The following DYNC2H1 variants were observed in gnomAD, a reference collection of about 807,000 sequenced individuals.
DYNC2H1 encodes cytoplasmic dynein 2 heavy chain 1.
DYNC2H1 carries 410 observed loss-of-function variants against 570.0 expected under a neutral mutation model. That is an observed-to-expected ratio of 0.72 (90% confidence interval 0.66 to 0.78). DYNC2H1 has a LOEUF of 0.78. Ranked by LOEUF, DYNC2H1 falls within the 30% of genes least tolerant of loss-of-function variation. The probability of loss-of-function intolerance (pLI) is 0.00; values close to 1 mark genes in which losing one functional copy is unlikely to be tolerated. For synonymous variants in DYNC2H1, 1,688 were observed against 1,677.6 expected, an observed-to-expected ratio of 1.01 and a Z score of -0.15; for missense variants, 4,865 against 5,046.4, an observed-to-expected ratio of 0.96 and a Z score of 1.09.
chr11:103,188,168 CAA>C (rs913655930), intron 43 of DYNC2H1, among the ~76,000 whole-genome samples: 2 of 151,852 alleles, frequency 1.3e-5, no homozygotes, highest in Non-Finnish European at 2.9e-5. Context: ...CAGAAAAAAA[CAA>C]AAATATTTTT....
chr11:103,173,333 A>G (rs375810954), intron 35 of DYNC2H1, 28 bp downstream of exon 35: 203 of 1,415,656 alleles, frequency 1.4e-4, no homozygotes, highest in Non-Finnish European at 1.9e-4. Flanking sequence ...AAATATTTTT[A>G]TATTTTACAT....
At chr11:103,431,215 TAA>T (rs10645288) in intron 84 of DYNC2H1, among the ~76,000 whole-genome samples, 9 of 138,456 alleles carry the variant, frequency 6.5e-5, no homozygotes, top group African/African-American at 5.3e-5. Flanking sequence ...TCATTTAGTT[TAA>T]AAAAAAAAAA....
intron 25 of DYNC2H1, 86 bp downstream of exon 25, chr11:103,155,587 A>C (rs1451418357): frequency 7.4e-7 from 1 of 1,350,696 alleles, no homozygotes; most frequent in Non-Finnish European, 9.8e-7. Context: ...ATACAAAAAA[A>C]GTCTTCCTTT....
rs1430965633 is a variant in DYNC2H1 at position 103,275,461 on chromosome 11, G to T, written c.10696-4887G>T. 6.6e-6 allele frequency among the ~76,000 whole-genome samples: 1 copy of T among 152,178 alleles called. No individual in the cohort carries two copies. Among genetic ancestry groups the T allele is most frequent in the African/African-American group, 2.4e-5 (1 of 41,446 alleles). ...GTTCACCATTCTAGTATCTTACAGA[G>T]TAGTTTCACTGCTCTTAAAATATTC... On this transcript the variant is annotated intron_variant, in intron 70 of 88. Transcript: ENST00000375735. The surrounding 1 kb of genome is among the most constrained non-coding windows in gnomAD (Gnocchi z 4.8).
rs561017293 is a variant in DYNC2H1 at position 103,410,519 on chromosome 11, G to T, written c.12366+10647G>T. 5.9e-5 allele frequency among the ~76,000 whole-genome samples: 9 copies of T among 152,102 alleles called. No individual in the cohort carries two copies. In the East Asian group the frequency reaches 1.5e-3, roughly 26 times the overall value. On this transcript the variant is annotated intron_variant, in intron 84 of 88. Transcript: ENST00000375735. ...GATTATAGAACAGGCTCCCCTAGAGGGATATAAAGCACCGCCAAGTCCTTT... is the reference window on the plus strand; with the variant it reads ...GATTATAGAACAGGCTCCCCTAGAGTGATATAAAGCACCGCCAAGTCCTTT...
chr11:103,410,643 T>C (rs1348969699), intron 84 of DYNC2H1, among the ~76,000 whole-genome samples: 8 of 152,174 alleles, frequency 5.3e-5, no homozygotes. Context: ...AACCCCAGTT[T>C]GGATCTTAGC....
intron 17 of DYNC2H1, among the ~76,000 whole-genome samples, chr11:103,137,183 TC>T (rs1010357726): frequency 3.9e-4 from 58 of 148,990 alleles, no homozygotes; most frequent in African/African-American, 1.4e-3. Flanking sequence ...GGTTGCCTGT[TC>T]ACTCTGATGG....
rs748962176 is a variant in DYNC2H1 at position 103,358,223 on chromosome 11, CTTA to C, written c.12040-14_12040-12del. On this transcript the variant is annotated splice_polypyrimidine_tract_variant and intron_variant, in intron 82 of 88. Coordinates refer to ENST00000375735, the MANE Select transcript of DYNC2H1 (RefSeq NM_001377.3). Reference sequence around the variant, plus strand: ...CTGAAGTTCTTTTTATTTGTTGATACTTATTATTTTTTTATTCAGGTTATTTCA... The same window carrying C: ...CTGAAGTTCTTTTTATTTGTTGATACTTATTTTTTTATTCAGGTTATTTCA... 2.7e-5 allele frequency: 38 copies of C among 1,398,806 alleles called. 1 individual carries two copies. Among genetic ancestry groups the C allele is most frequent in the African/African-American group, 1.6e-4 (11 of 69,834 alleles). 86.6% of individuals were successfully genotyped at this position (1,398,806 alleles called of 1,614,324 possible).
At position 103,165,692 on chromosome 11, in the gene DYNC2H1, G is replaced by A. The variant is rs375558227; in HGVS notation, c.4612-206G>A. Among the ~76,000 whole-genome samples, 95 of 152,168 alleles carry A rather than the reference G, an allele frequency of 6.2e-4. 1 individual carries two copies. In the South Asian group the frequency reaches 0.019, roughly 31 times the overall value. ...TGTAGTAGAGTATAGTATGAAATGA[G>A]TTCTGTGAAGTAGGCTTGGCTGCAT... On this transcript the variant is annotated intron_variant, in intron 30 of 88. Coordinates refer to ENST00000375735, the MANE Select transcript of DYNC2H1 (RefSeq NM_001377.3).
In DYNC2H1 at chr11:103,163,009, T is replaced by C. The variant is rs373666895; in HGVS notation, c.4492-19T>C. The C allele has an allele frequency of 1.2e-4, 192 of 1,600,468 alleles. No individual in the cohort carries two copies. Among genetic ancestry groups the C allele is most frequent in the Admixed American group, 3.9e-4 (23 of 59,044 alleles). Reference sequence around the variant, plus strand: ...TTATTTTATGTCTTGTTTATATTATTTTCCAATTTCTTTTTCAGACATGGT... The same window carrying C: ...TTATTTTATGTCTTGTTTATATTATCTTCCAATTTCTTTTTCAGACATGGT... On this transcript the variant is annotated intron_variant, in intron 29 of 88. Coordinates refer to ENST00000375735, the MANE Select transcript of DYNC2H1 (RefSeq NM_001377.3). This position sits in a 1 kb window ranked among gnomAD's most constrained non-coding sequence, Gnocchi z 4.6.
At chr11:103,290,704 C>T (rs1387653336) in intron 75 of DYNC2H1, among the ~76,000 whole-genome samples, 1 of 152,060 alleles carries the variant, frequency 6.6e-6, no homozygotes, top group Admixed American at 6.6e-5. Context: ...CTCTGTTTCT[C>T]CCTTTTTCTT....
chr11:103,239,250 GTA>G lies in DYNC2H1; in HGVS notation c.9819+2715_9819+2716del, dbSNP rs1864336084. 2.0e-5 allele frequency among the ~76,000 whole-genome samples: 3 copies of G among 151,928 alleles called. No homozygotes were observed. The highest frequency in any genetic ancestry group is 1.3e-4 in the Admixed American group (2 of 15,232). ...GATTTTTTTTTCTTGCTGCCTTTTG[GTA>G]TATGCTGAGGAAATGCAAACTAATG... On this transcript the variant is annotated intron_variant, in intron 63 of 88. Transcript: ENST00000375735. This position sits in a 1 kb window ranked among gnomAD's most constrained non-coding sequence, Gnocchi z 4.3.
rs1862047952 is a variant in DYNC2H1, at chr11:103,185,951, TTTAATG to T, written c.6634-285_6634-280del. 6.6e-6 allele frequency among the ~76,000 whole-genome samples: 1 copy of T among 151,934 alleles called. No homozygotes were observed. Among genetic ancestry groups the T allele is most frequent in the South Asian group, 2.1e-4 (1 of 4,828 alleles). ...GATTTCTGCATTCTGTACTTTGTGATTTAATGTTAATAAGAACTCCATTAAAATGGA... is the reference window on the plus strand; with the variant it reads ...GATTTCTGCATTCTGTACTTTGTGATTTAATAAGAACTCCATTAAAATGGA... On this transcript the variant is annotated intron_variant, in intron 41 of 88. Transcript: ENST00000375735. This position sits in a 1 kb window ranked among gnomAD's most constrained non-coding sequence, Gnocchi z 4.5.
chr11:103,242,258 A>G (rs1864451047), intron 63 of DYNC2H1, among the ~76,000 whole-genome samples: 1 of 152,222 alleles, frequency 6.6e-6, no homozygotes, highest in Non-Finnish European at 1.5e-5. Flanking sequence ...AATAAAGTTC[A>G]ATGTATAAGT....
Position 103,380,135 on chromosome 11 carries a change from C to T in DYNC2H1, c.12157-19528C>T, listed in dbSNP as rs142136315. Among the ~76,000 whole-genome samples the T allele has an allele frequency of 8.5e-3, 1,298 of 152,192 alleles. 11 individuals are homozygous for T. Among genetic ancestry groups the T allele is most frequent in the African/African-American group, 0.03 (1,231 of 41,516 alleles). On this transcript the variant is annotated intron_variant, in intron 83 of 88. Coordinates refer to ENST00000375735, the MANE Select transcript of DYNC2H1 (RefSeq NM_001377.3). ...ATTTTTGTTGAAAAGTAAAGAGCAG[C>T]GAGTCATCCAGGTTCTCATCTTTTC...
intron 73 of DYNC2H1, among the ~76,000 whole-genome samples, chr11:103,284,066 A>G (rs544596338): frequency 2.6e-5 from 4 of 152,216 alleles, no homozygotes; most frequent in South Asian, 4.2e-4. Context: ...TTAATCTTCC[A>G]TATCTGATTA....
At chr11:103,125,527 G>A (rs555105455) in intron 12 of DYNC2H1, among the ~76,000 whole-genome samples, 1 of 152,044 alleles carries the variant, frequency 6.6e-6, no homozygotes, top group Non-Finnish European at 1.5e-5. Context: ...TTAGAAAATA[G>A]TATGTTATTC....
At chr11:103,215,292 T>C (rs1028965019) in intron 54 of DYNC2H1, among the ~76,000 whole-genome samples, 1 of 152,088 alleles carries the variant, frequency 6.6e-6, no homozygotes, top group Admixed American at 6.6e-5. Context: ...GGTTTGTCAT[T>C]TTTGGACTTT....
chr11:103,325,029 C>G lies in DYNC2H1; in HGVS notation c.12039+1039C>G, dbSNP rs1938398785. Among the ~76,000 whole-genome samples, 1 of 152,158 alleles carries G rather than the reference C, an allele frequency of 6.6e-6. No individual in the cohort carries two copies. The highest frequency in any genetic ancestry group is 1.5e-5 in the Non-Finnish European group (1 of 68,024). ...TGTCTTCTTTTGAGAAGCATCTCTT[C>G]ATGTTTTTTGCCCACTTTTTAATGG... is the stretch of plus-strand genomic sequence containing the variant. On this transcript the variant is annotated intron_variant, in intron 82 of 88. Transcript: ENST00000375735. The surrounding 1 kb of genome is among the most constrained non-coding windows in gnomAD (Gnocchi z 4.8).
Sources: allele counts gnomAD v4.1 joint callset (sites outside exome capture counted in the v4.1 genomes callset), GRCh38; gene constraint gnomAD v4.1.1; non-coding constraint Gnocchi (gnomAD v3.1); transcripts MANE v1.5; gene names NCBI Gene and HGNC (gene_info 2026-07-23, HGNC 2026-07-21).